Variants in SCEL observed in about 807,000 individuals in gnomAD.
SCEL encodes sciellin.
In SCEL, 113 loss-of-function variants were observed where a neutral mutation model predicts 117.6. The observed-to-expected ratio is 0.96, with a 90% confidence interval of 0.83 to 1.12. The LOEUF (loss-of-function observed/expected upper bound fraction) is 1.12. Ranked by LOEUF, SCEL falls within the 50% of genes most tolerant of loss-of-function variation. The pLI, the probability that SCEL is intolerant of heterozygous loss-of-function variation, is 0.00. For missense variants in SCEL, 785 were observed against 810.8 expected (o/e 0.97, Z 0.39); for synonymous variants, 270 against 256.2 (o/e 1.05, Z -0.51).
At chr13:77,580,599 A>G (rs955012374) in intron 9 of SCEL, among the ~76,000 whole-genome samples, 1 of 152,202 alleles carries the variant, frequency 6.6e-6, no homozygotes, top group Non-Finnish European at 1.5e-5. Context: ...CAGTGGTTAA[A>G]TGGCATGTAA....
chr13:77,587,975 G>GGTTCAAATTTCACCT, intron 9 of SCEL, among the ~76,000 whole-genome samples: 1 of 152,092 alleles, frequency 6.6e-6, no homozygotes, highest in East Asian at 1.9e-4. Flanking sequence ...TGCAGGTCTT[G>GGTTCAAATTTCACCT]GTTCAAATTT....
intron 5 of SCEL, among the ~76,000 whole-genome samples, chr13:77,566,173 T>G (rs966886745): frequency 6.6e-6 from 1 of 152,172 alleles, no homozygotes; most frequent in Non-Finnish European, 1.5e-5. Flanking sequence ...TAACCTAATA[T>G]ATGAGTTTTG....
chr13:77,622,762 T>A (rs2089492561), intron 27 of SCEL, among the ~76,000 whole-genome samples: 1 of 152,134 alleles, frequency 6.6e-6, no homozygotes, highest in Admixed American at 6.5e-5. Flanking sequence ...CTTGGGAAGC[T>A]AAGACGGGAA....
At chr13:77,555,168 C>T (rs1482965774) in intron 1 of SCEL, among the ~76,000 whole-genome samples, 1 of 152,086 alleles carries the variant, frequency 6.6e-6, no homozygotes, top group African/African-American at 2.4e-5. Flanking sequence ...AAGGCAAAAG[C>T]GCCTAGGACC....
At chr13:77,594,949 T>C (rs1313264515) in intron 12 of SCEL, among the ~76,000 whole-genome samples, 1 of 152,230 alleles carries the variant, frequency 6.6e-6, no homozygotes, top group Non-Finnish European at 1.5e-5. Context: ...TCCTGAATGT[T>C]TCATTTCCAT....
At chr13:77,589,591 A>G (rs1024619606) in intron 10 of SCEL, among the ~76,000 whole-genome samples, 1 of 152,166 alleles carries the variant, frequency 6.6e-6, no homozygotes, top group Non-Finnish European at 1.5e-5. Context: ...TTAAAAATGT[A>G]TTTTTTGTTC....
Position 77,609,072 on chromosome 13 carries a change from A to C in SCEL, c.1232A>C (p.Asn411Thr), listed in dbSNP as rs776223897. The C allele has an allele frequency of 6.3e-7, 1 of 1,594,112 alleles. No individual in the cohort carries two copies. ...KRSNQGSKDL[N>T]NFIKVYPGTE... ...TTTGTTTGAAGTTCCAAAGACCTTA[A>C]TAACTTCATCAAAGTGTATCCAGGA... The change falls in exon 21 of 33, where the codon AAT becomes ACT. Residue 411 changes from asparagine (N) to threonine (T), a missense_variant. Physicochemically the swap from Asn to Thr is moderately conservative, Grantham distance 65 (BLOSUM62 0). Transcript: ENST00000349847.
Position 77,604,363 on chromosome 13 carries a change from G to C in SCEL, c.1105G>C (p.Asp369His), listed in dbSNP as rs372992849. The stretch of plus-strand genomic sequence containing the variant: ...TAATTTCCTTTTTCAAAGAAAAAAA[G>C]ACCTTGATGGGCTTATTAAAGTGGA... ...KGHENTTGKK[D>H]LDGLIKVDPE... The change falls in exon 19 of 33, where the codon GAC becomes CAC. Residue 369 changes from aspartate to histidine, a missense_variant. Physicochemically the swap from Asp to His is moderately conservative, Grantham distance 81 (BLOSUM62 -1). Coordinates refer to ENST00000349847, the MANE Select transcript of SCEL (RefSeq NM_144777.3). The C allele has an allele frequency of 9.6e-6, 15 of 1,565,372 alleles. No individual in the cohort carries two copies. In the African/African-American group the frequency reaches 1.9e-4, roughly 20 times the overall value.
chr13:77,545,227 A>G (rs1395727842), intron 1 of SCEL, among the ~76,000 whole-genome samples: 1 of 152,232 alleles, frequency 6.6e-6, no homozygotes, highest in South Asian at 2.1e-4. Context: ...GTGAGAAGCT[A>G]AAAACTTAAT....
Position 77,572,087 on chromosome 13 carries a change from C to T in SCEL, c.480-37C>T, listed in dbSNP as rs373085016. Reference sequence around the variant, plus strand: ...AGACATGTGGGTGGGATCAGCCTTTCAATCACAATGTTTATTACCGTGTCA... The same window carrying T: ...AGACATGTGGGTGGGATCAGCCTTTTAATCACAATGTTTATTACCGTGTCA... On this transcript the variant is annotated intron_variant, in intron 8 of 32. Coordinates refer to ENST00000349847, the MANE Select transcript of SCEL (RefSeq NM_144777.3). 16 of 1,573,152 alleles carry T rather than the reference C, an allele frequency of 1.0e-5. No homozygotes were observed. In the East Asian group the frequency reaches 1.6e-4, roughly 15 times the overall value.
At chr13:77,538,346 A>C (rs1455184805) in intron 1 of SCEL, among the ~76,000 whole-genome samples, 1 of 152,040 alleles carries the variant, frequency 6.6e-6, no homozygotes, top group Non-Finnish European at 1.5e-5. Flanking sequence ...TGAACTCCTG[A>C]CCTCAAGTGA....
rs149342929 is a variant in SCEL, at chr13:77,583,090, G to A, written c.546-6054G>A. Among the ~76,000 whole-genome samples the A allele has an allele frequency of 5.7e-3, 864 of 152,226 alleles. 8 individuals are homozygous for A. The highest frequency in any genetic ancestry group is 0.019 in the African/African-American group (809 of 41,524). ...AATTTAAATTTTATTAACCACAACAGCATCTACATACCTTTAAAAAGCACA... is the reference window on the plus strand; with the variant it reads ...AATTTAAATTTTATTAACCACAACAACATCTACATACCTTTAAAAAGCACA... On this transcript the variant is annotated intron_variant, in intron 9 of 32. Transcript: ENST00000349847.
At chr13:77,572,077 A>T (rs768654078) in intron 8 of SCEL, 47 bp from the exon 9 acceptor site, 1 of 1,495,366 alleles carries the variant, frequency 6.7e-7, no homozygotes, top group Admixed American at 1.7e-5. Context: ...TGTGGGTGGG[A>T]TCAGCCTTTC....
rs565181357 is a variant in SCEL at position 77,589,365 on chromosome 13, A to G, written c.626+141A>G. 3.5e-4 allele frequency: 187 copies of G among 540,352 alleles called. 2 individuals carry two copies. In the South Asian group the frequency reaches 5.8e-3, roughly 17 times the overall value. The allele number at this position is 540,352 out of a possible 1,614,324, so 33.5% of individuals were successfully genotyped here. On this transcript the variant is annotated intron_variant, in intron 10 of 32. Transcript: ENST00000349847. ...AGAAGCGCCTGTAGAACTTTTTCTA[A>G]TTTTATTTCCCAACACATATGTTTA...
intron 18 of SCEL, among the ~76,000 whole-genome samples, chr13:77,603,724 G>A (rs1244222211): frequency 6.6e-6 from 1 of 152,088 alleles, no homozygotes; most frequent in Non-Finnish European, 1.5e-5. Flanking sequence ...GTGTCCCCCT[G>A]GGGAGTGAAT....
chr13:77,574,273 C>T (rs1326009426), intron 9 of SCEL, among the ~76,000 whole-genome samples: 2 of 152,156 alleles, frequency 1.3e-5, no homozygotes, highest in Non-Finnish European at 1.5e-5. Flanking sequence ...GCTCTATGCC[C>T]TCCCTCACAA....
rs771897642 is a variant in SCEL at position 77,608,087 on chromosome 13, AC to A, written c.1193del (p.Pro398LeufsTer3). 14 of 1,613,522 alleles carry A rather than the reference AC, an allele frequency of 8.7e-6. No homozygotes were observed. The highest frequency in any genetic ancestry group is 1.1e-5 in the Non-Finnish European group (13 of 1,179,630). Reference sequence around the variant, plus strand: ...GAGCCTTGATAATCTCATCAAAGTGACCCCTGAAGTAAAGAGAAGTAACCAA... The same window carrying A: ...GAGCCTTGATAATCTCATCAAAGTGACCCTGAAGTAAAGAGAAGTAACCAA... ...GQSLDNLIKV[T>X]PEVKRSNQGS... is the part of the protein sequence containing the mutation. On this transcript the variant is annotated frameshift_variant, in exon 20 of 33. Transcript: ENST00000349847. LOFTEE classifies it high-confidence loss of function.
At chr13:77,589,344 G>A (rs2086738568) in intron 10 of SCEL, 120 bp downstream of exon 10, 2 of 618,538 alleles carry the variant, frequency 3.2e-6, no homozygotes, top group Non-Finnish European at 2.8e-6. Flanking sequence ...CCCTAAAGAA[G>A]CGCCTGTAGA....
chr13:77,619,633 G>A (rs1467232711), intron 27 of SCEL, among the ~76,000 whole-genome samples: 5 of 152,242 alleles, frequency 3.3e-5, no homozygotes, highest in South Asian at 4.1e-4. Flanking sequence ...TGCTGCATGC[G>A]GATTTTCTAA....
Sources: gnomAD v4.1 joint callset for allele counts (sites outside exome capture counted in the v4.1 genomes callset) on GRCh38, gnomAD v4.1.1 for gene constraint, MANE v1.5 for transcripts, NCBI Gene and HGNC (gene_info 2026-07-23, HGNC 2026-07-21) for gene names.